The following NAV2 variants were observed in gnomAD, a reference collection of about 807,000 sequenced individuals.
The protein encoded by NAV2 is helicase, APC down-regulated 1.
In NAV2, 54 loss-of-function variants were observed where a neutral mutation model predicts 223.2. The ratio of observed to expected loss-of-function variants is 0.24; its 90% CI spans 0.19 to 0.30. The LOEUF is 0.30. Ranked by LOEUF, NAV2 falls within the 10% of genes least tolerant of loss-of-function variation. The pLI is 1.00. For synonymous variants in NAV2, 1,279 were observed against 1,239.3 expected (o/e 1.03, Z -0.67); for missense variants, 2,806 against 3,147.5 (o/e 0.89, Z 2.60).
At chr11:20,062,491 G>A in intron 20 of NAV2, 132 bp downstream of exon 20, 1 of 667,770 alleles carries the variant, frequency 1.5e-6, no homozygotes, top group Non-Finnish European at 2.5e-6. Flanking sequence ...ATTAATTAGG[G>A]AACAAGATTT....
At chr11:19,984,698 G>GGAGGCAAT (rs1298780486) in intron 11 of NAV2, among the ~76,000 whole-genome samples, 4 of 152,224 alleles carry the variant, frequency 2.6e-5, no homozygotes, top group African/African-American at 9.6e-5. Context: ...CATGGTAATA[G>GGAGGCAAT]GAGGCAATGC....
chr11:19,897,269 T>G (rs961674268), intron 6 of NAV2, among the ~76,000 whole-genome samples: 3 of 152,198 alleles, frequency 2.0e-5, no homozygotes, highest in African/African-American at 4.8e-5. Context: ...CATTTGGAGA[T>G]ATACCTAATG....
upstream of NAV2, among the ~76,000 whole-genome samples, chr11:19,348,603 G>A (rs1853126354): frequency 6.6e-6 from 1 of 152,208 alleles, no homozygotes; most frequent in South Asian, 2.1e-4. Context: ...GTGACACACA[G>A]CATGCCCTTA....
At chr11:19,548,115 G>A (rs2044564494) in intron 1 of NAV2, among the ~76,000 whole-genome samples, 1 of 152,186 alleles carries the variant, frequency 6.6e-6, no homozygotes, top group Admixed American at 6.5e-5. Flanking sequence ...TCGTAGGATA[G>A]GTTTAGCAAT....
chr11:19,468,922 GA>G (rs1302475526), intron 1 of NAV2, among the ~76,000 whole-genome samples: 1 of 152,182 alleles, frequency 6.6e-6, no homozygotes, highest in Non-Finnish European at 1.5e-5. Flanking sequence ...TGGAGACAAA[GA>G]ACTGAGGTTT....
chr11:19,565,795 A>G (rs574598310), intron 1 of NAV2, among the ~76,000 whole-genome samples: 253 of 152,328 alleles, frequency 1.7e-3, no homozygotes, highest in African/African-American at 4.5e-3. Flanking sequence ...CTGTCATGCA[A>G]TGTACACAAC....
chr11:19,734,703 C>G (rs1262953851), intron 1 of NAV2, among the ~76,000 whole-genome samples: 1 of 152,218 alleles, frequency 6.6e-6, no homozygotes, highest in African/African-American at 2.4e-5. Context: ...ATGCATCCCT[C>G]CCCTAACTCC....
At chr11:19,884,327 C>A (rs1251144665) in intron 5 of NAV2, 4 of 1,614,102 alleles carry the variant, frequency 2.5e-6, no homozygotes, top group South Asian at 1.1e-5. Context: ...AAAGCAAAAT[C>A]ATCCGCTTCA....
chr11:19,865,896 T>A (rs2062060799), intron 3 of NAV2, among the ~76,000 whole-genome samples: 2 of 152,180 alleles, frequency 1.3e-5, no homozygotes, highest in South Asian at 2.1e-4. Context: ...GGAATCAAGG[T>A]GTGTGTTGAA....
chr11:19,431,926 G>A (rs80091940), intron 1 of NAV2, among the ~76,000 whole-genome samples: 4,585 of 152,266 alleles, frequency 0.03, 234 homozygotes, highest in African/African-American at 0.11. Context: ...GACTGGGTGC[G>A]GTGGCTCATG....
chr11:20,100,202 A>G (rs925074698), intron 31 of NAV2, among the ~76,000 whole-genome samples: 5 of 152,190 alleles, frequency 3.3e-5, no homozygotes, highest in Admixed American at 6.5e-5. Context: ...CAGTATCCAA[A>G]AGATACCCCT....
chr11:19,371,514 C>T (rs1848468932), intron 1 of NAV2, among the ~76,000 whole-genome samples: 1 of 152,190 alleles, frequency 6.6e-6, no homozygotes, highest in South Asian at 2.1e-4. Flanking sequence ...TTACTGAGTG[C>T]TTACCAGGGA....
intron 10 of NAV2, 126 bp from the exon 11 acceptor site, chr11:19,983,999 C>T: frequency 8.0e-7 from 1 of 1,245,362 alleles, no homozygotes; most frequent in Non-Finnish European, 1.1e-6. Context: ...GCCAGAGCCT[C>T]AGGGAATCCT....
At chr11:20,056,608 A>G in intron 19 of NAV2, 1 of 1,613,596 alleles carries the variant, frequency 6.2e-7, no homozygotes, top group Non-Finnish European at 8.5e-7. Flanking sequence ...CCTTTGTTCC[A>G]TCACGCAAGG....
At chr11:19,400,234 G>A (rs780604936) in intron 1 of NAV2, among the ~76,000 whole-genome samples, 3 of 152,172 alleles carry the variant, frequency 2.0e-5, no homozygotes, top group Non-Finnish European at 4.4e-5. Flanking sequence ...CCGACGTGGT[G>A]TGAGACATAA....
At position 20,069,561 on chromosome 11, in the gene NAV2, C is replaced by A. The variant is rs564186475; in HGVS notation, c.4983+1163C>A. Among the ~76,000 whole-genome samples the A allele has an allele frequency of 4.6e-5, 7 of 152,168 alleles. No individual in the cohort carries two copies. The South Asian group carries it at 1.5e-3, about 32-fold the overall frequency. The stretch of plus-strand genomic sequence containing the variant: ...CCATCAGCCATGTCTGTATTGGAGC[C>A]CTGATGCACAGCTGTGACCAGGTGA... On this transcript the variant is annotated intron_variant, in intron 22 of 37. Transcript: ENST00000349880.
chr11:19,490,682 T>C (rs1012961020), intron 1 of NAV2, among the ~76,000 whole-genome samples: 1 of 152,228 alleles, frequency 6.6e-6, no homozygotes, highest in Non-Finnish European at 1.5e-5. Context: ...TCCATGAAGA[T>C]TGGAATCAAC....
chr11:20,105,966 C>G (rs1475004343), intron 35 of NAV2, among the ~76,000 whole-genome samples: 2 of 150,468 alleles, frequency 1.3e-5, no homozygotes, highest in African/African-American at 4.9e-5. Context: ...CTAAAGAGCT[C>G]CCACCTCAAG....
At chr11:19,523,894 C>A (rs992640453) in intron 1 of NAV2, among the ~76,000 whole-genome samples, 7 of 152,212 alleles carry the variant, frequency 4.6e-5, no homozygotes, top group Non-Finnish European at 8.8e-5. Context: ...ACCTCCTGGC[C>A]TCTCTGTTTA....
Sources: allele counts gnomAD v4.1 joint callset (sites outside exome capture counted in the v4.1 genomes callset), GRCh38; gene constraint gnomAD v4.1.1; transcripts MANE v1.5; gene names NCBI Gene and HGNC (gene_info 2026-07-23, HGNC 2026-07-21).